The following PIGH variants were observed in gnomAD, a reference collection of about 807,000 sequenced individuals.
The protein encoded by PIGH is phosphatidylinositol glycan anchor biosynthesis class H.
PIGH carries 11 observed loss-of-function variants against 20.1 expected under a neutral mutation model. The ratio of observed to expected loss-of-function variants is 0.55; its 90% CI spans 0.34 to 0.91. The LOEUF (loss-of-function observed/expected upper bound fraction) is 0.91. PIGH is among the 40% of genes least tolerant of loss of function. The pLI, the probability that PIGH is intolerant of heterozygous loss-of-function variation, is 0.02. For missense variants in PIGH, 189 were observed against 233.6 expected (o/e 0.81, Z 1.24); for synonymous variants, 72 against 93.1 (o/e 0.77, Z 1.31).
At position 67,593,724 on chromosome 14, in the gene PIGH, T is replaced by C. The variant is rs2036419162; in HGVS notation, c.390+19A>G. ...CCTCCTCCAGAGAGGCCTGTAATAC[T>C]TACCTTTTAAATACTTACCATGTAA... On this transcript the variant is annotated intron_variant, in intron 2 of 3. Transcript: ENST00000216452. 1 of 1,527,762 alleles carries C rather than the reference T, an allele frequency of 6.5e-7. No homozygotes were observed. The highest frequency in any genetic ancestry group is 9.1e-7 in the Non-Finnish European group (1 of 1,101,772). 94.6% of individuals were successfully genotyped at this position (1,527,762 alleles called of 1,614,324 possible).
At chr14:67,593,490 C>CAA (rs5809356) in intron 2 of PIGH, 52 of 330,886 alleles carry the variant, frequency 1.6e-4, no homozygotes, top group East Asian at 2.5e-4. Context: ...GACCCTGTCT[C>CAA]AAAAAAAAAA....
At chr14:67,592,294 G>C in intron 3 of PIGH, 1 of 415,842 alleles carries the variant, frequency 2.4e-6, no homozygotes, top group East Asian at 7.3e-5. Context: ...AAAAAAATTA[G>C]CCAGGCGAGA....
chr14:67,595,336 C>T (rs1252063392), intron 1 of PIGH, among the ~76,000 whole-genome samples: 2 of 152,132 alleles, frequency 1.3e-5, no homozygotes, highest in Admixed American at 1.3e-4. Flanking sequence ...TTCCTACTGA[C>T]TTTGTATTGT....
In PIGH at chr14:67,589,716, A is replaced by G; in HGVS notation, c.*364T>C. 1.0e-6 allele frequency: 1 copy of G among 1,004,080 alleles called. No individual in the cohort carries two copies. Among genetic ancestry groups the G allele is most frequent in the East Asian group, 1.0e-4 (1 of 9,850 alleles). 62.2% of individuals were successfully genotyped at this position (1,004,080 alleles called of 1,614,324 possible). On this transcript the variant is annotated 3_prime_UTR_variant, in exon 4 of 4. Transcript: ENST00000216452. ...TACTATTGGAAAATATAGCTTTCTC[A>G]AGACATCTGATGTCAGTTTCCCATT...
intron 1 of PIGH, among the ~76,000 whole-genome samples, chr14:67,598,573 C>G (rs1281753112): frequency 6.6e-6 from 1 of 152,138 alleles, no homozygotes; most frequent in Non-Finnish European, 1.5e-5. Context: ...TAATAAATAT[C>G]TATTTCCTCC....
chr14:67,596,868 C>G (rs1459567121), intron 1 of PIGH, among the ~76,000 whole-genome samples: 1 of 152,226 alleles, frequency 6.6e-6, no homozygotes, highest in East Asian at 1.9e-4. Flanking sequence ...ATATTCGGAA[C>G]TGAGGAAATT....
intron 2 of PIGH, chr14:67,593,395 G>A (rs2036411950): frequency 3.8e-6 from 1 of 266,618 alleles, no homozygotes; most frequent in Non-Finnish European, 7.2e-6. Context: ...GGAGGCTGAG[G>A]TGGGAGAATG....
At chr14:67,599,896 T>A in intron 1 of PIGH, 128 bp downstream of exon 1, 1 of 712,658 alleles carries the variant, frequency 1.4e-6, no homozygotes, top group East Asian at 3.0e-5. Flanking sequence ...ACCCGTGAGT[T>A]CCCGCCCTCC....
At chr14:67,598,317 C>T (rs2319844) in intron 1 of PIGH, among the ~76,000 whole-genome samples, 118,570 of 152,038 alleles carry the variant, frequency 0.78, 46,465 homozygotes, top group Middle Eastern at 0.84. Context: ...ATGAGAGAGA[C>T]AAGTACAGAA....
At chr14:67,594,704 G>A (rs2036438296) in intron 1 of PIGH, among the ~76,000 whole-genome samples, 1 of 151,350 alleles carries the variant, frequency 6.6e-6, no homozygotes, top group Non-Finnish European at 1.5e-5. Context: ...CAGAATACAG[G>A]AGGGAGTTAT....
intron 1 of PIGH, among the ~76,000 whole-genome samples, chr14:67,595,534 G>A (rs1375208136): frequency 6.6e-6 from 1 of 152,192 alleles, no homozygotes; most frequent in African/African-American, 2.4e-5. Context: ...ACCATGATTG[G>A]TTCCCACTCC....
chr14:67,591,619 C>T (rs1432855420), intron 3 of PIGH, among the ~76,000 whole-genome samples: 1 of 152,162 alleles, frequency 6.6e-6, no homozygotes, highest in African/African-American at 2.4e-5. Flanking sequence ...GCAGCCTTGA[C>T]CTCCTGGGCT....
chr14:67,597,743 G>A (rs2036500111), intron 1 of PIGH, among the ~76,000 whole-genome samples: 1 of 143,104 alleles, frequency 7.0e-6, no homozygotes, highest in South Asian at 2.3e-4. Context: ...CTGACTATAA[G>A]TGCCAAAAGA....
chr14:67,592,713 C>T lies in PIGH; in HGVS notation c.396G>A (p.Lys132=). 3 of 1,590,972 alleles carry T rather than the reference C, an allele frequency of 1.9e-6. No homozygotes were observed. Among genetic ancestry groups the T allele is most frequent in the Non-Finnish European group, 1.7e-6 (2 of 1,161,374 alleles). ...ATAAGATGCAGAGGTAGTAAATCAC[C>T]TTCTGCTGTAAGAAAATAAATCAAA... ...IVINEAIYMQ[K]VIYYLCILLK... Residue 132 remains lysine (K), a synonymous_variant, in exon 3 of 4, where the codon AAG becomes AAA. Coordinates refer to ENST00000216452, the MANE Select transcript of PIGH (RefSeq NM_004569.5).
chr14:67,596,295 ATTTTTTTTTT>A (rs772451900), intron 1 of PIGH, among the ~76,000 whole-genome samples: 4 of 60,228 alleles, frequency 6.6e-5, no homozygotes, highest in South Asian at 1.7e-3. Context: ...CGCCCAGCTA[ATTTTTTTTTT>A]TTTTTTTTTT....
intron 2 of PIGH, 54 bp downstream of exon 2, chr14:67,593,689 G>C (rs775437074): frequency 6.9e-6 from 7 of 1,014,538 alleles, no homozygotes; most frequent in Non-Finnish European, 1.1e-5. Flanking sequence ...AACATCCCAT[G>C]GGCTGGCTAC....
At chr14:67,595,815 C>A (rs1282075609) in intron 1 of PIGH, among the ~76,000 whole-genome samples, 1 of 152,152 alleles carries the variant, frequency 6.6e-6, no homozygotes, top group Admixed American at 6.6e-5. Context: ...ACAAGTAGGG[C>A]ACACTAAGGG....
Position 67,596,295 on chromosome 14 carries a change from ATTTTTTT to A in PIGH, c.181-2350_181-2344del, listed in dbSNP as rs772451900. Reference sequence around the variant, plus strand: ...AGGCACCCGCCACCACGCCCAGCTAATTTTTTTTTTTTTTTTTTTTTTTTTAGTAGAG... The same window carrying A: ...AGGCACCCGCCACCACGCCCAGCTAATTTTTTTTTTTTTTTTTTAGTAGAG... On this transcript the variant is annotated intron_variant, in intron 1 of 3. Transcript: ENST00000216452. 2.4e-3 allele frequency among the ~76,000 whole-genome samples: 143 copies of A among 60,230 alleles called. 2 individuals are homozygous for A. The highest frequency in any genetic ancestry group is 9.5e-3 in the African/African-American group (135 of 14,214). The allele number at this position is 60,230 out of a possible 152,430, so 39.5% of individuals were successfully genotyped here. A position where few individuals can be genotyped will look rare whatever the true frequency, so the allele number is the denominator to read the frequency against.
intron 3 of PIGH, 85 bp from the exon 4 acceptor site, chr14:67,590,257 T>TTC: frequency 8.6e-7 from 1 of 1,165,642 alleles, no homozygotes; most frequent in South Asian, 1.7e-5. Context: ...AAATTTTTTT[T>TTC]TTTTTTTTTT....
Sources: gnomAD v4.1 joint callset for allele counts (sites outside exome capture counted in the v4.1 genomes callset) on GRCh38, gnomAD v4.1.1 for gene constraint, MANE v1.5 for transcripts, NCBI Gene and HGNC (gene_info 2026-07-23, HGNC 2026-07-21) for gene names.